MCC: variants seen among roughly 807,000 people sequenced by gnomAD.
MCC encodes MCC regulator of Wnt signaling pathway, also known as colorectal mutant cancer protein.
Under a neutral mutation model 116.2 loss-of-function variants are expected in MCC, and 90 were observed. That is an observed-to-expected ratio of 0.77 (90% confidence interval 0.65 to 0.92). The LOEUF (loss-of-function observed/expected upper bound fraction) is 0.92. Among genes scored for constraint, MCC ranks in the 40% least tolerant of loss-of-function variants. The probability of loss-of-function intolerance (pLI) is 0.00; values close to 1 mark genes in which losing one functional copy is unlikely to be tolerated. For missense variants in MCC, 1,516 were observed against 1,312.2 expected, an observed-to-expected ratio of 1.16 and a Z score of -2.40; for synonymous variants, 578 against 510.5, an observed-to-expected ratio of 1.13 and a Z score of -1.78.
At position 113,395,815 on chromosome 5, in the gene MCC, T is replaced by A. The variant is rs957539893; in HGVS notation, c.171-10603A>T. Among the ~76,000 whole-genome samples the A allele has an allele frequency of 3.9e-5, 6 of 152,096 alleles. No individual in the cohort carries two copies. The East Asian group carries it at 9.7e-4, about 24-fold the overall frequency. ...ATTAATTATGATGCTCAACTCTTCA[T>A]AATTGCCTGGGGTGATTAATTAAAA... is the stretch of plus-strand genomic sequence containing the variant. On this transcript the variant is annotated intron_variant, in intron 1 of 18. Coordinates refer to ENST00000408903, the MANE Select transcript of MCC (RefSeq NM_001085377.2).
chr5:113,207,000 T>A (rs1389754387), intron 3 of MCC, among the ~76,000 whole-genome samples: 5 of 152,302 alleles, frequency 3.3e-5, no homozygotes, highest in Non-Finnish European at 7.4e-5. Context: ...ACTATCTTGG[T>A]CCTCCTTACT....
In MCC at chr5:113,225,003, G is replaced by A. The variant is rs186104701; in HGVS notation, c.628-73581C>T. On this transcript the variant is annotated intron_variant, in intron 3 of 18. Transcript: ENST00000408903. ...CCTGTTCCTAGTTGATCTTATACTCGGTTAAAAATAAAAAGAAGCTGAAGA... is the reference window on the plus strand; with the variant it reads ...CCTGTTCCTAGTTGATCTTATACTCAGTTAAAAATAAAAAGAAGCTGAAGA... Among the ~76,000 whole-genome samples the A allele has an allele frequency of 1.4e-3, 215 of 152,180 alleles. 1 individual carries two copies. Among genetic ancestry groups the A allele is most frequent in the African/African-American group, 4.7e-3 (194 of 41,512 alleles).
chr5:113,230,047 T>C (rs1057009999), intron 3 of MCC, among the ~76,000 whole-genome samples: 1 of 152,230 alleles, frequency 6.6e-6, no homozygotes, highest in Admixed American at 6.5e-5. Flanking sequence ...TGGAAGCAAA[T>C]TGAAATCTTC....
At chr5:113,193,797 C>T (rs932476638) in intron 3 of MCC, among the ~76,000 whole-genome samples, 1 of 152,190 alleles carries the variant, frequency 6.6e-6, no homozygotes, top group African/African-American at 2.4e-5. Context: ...ACACCTAAGT[C>T]TATAGTCCAG....
At chr5:113,163,353 A>G (rs1296032535) in intron 3 of MCC, among the ~76,000 whole-genome samples, 1 of 152,212 alleles carries the variant, frequency 6.6e-6, no homozygotes, top group Non-Finnish European at 1.5e-5. Flanking sequence ...AATAATCCTA[A>G]GTTGTCACCA....
chr5:113,488,351 T>TGCCGCTGCCGCCGCCGCC lies in MCC; in HGVS notation c.63_64insGGCGGCGGCGGCAGCGGC (p.Gly21_Ser22insGlyGlyGlyGlySerGly). ...TCGCTGCTGCTGCTGCTGCTGCCGC[T>TGCCGCTGCCGCCGCCGCC]GCCGCCGCCGCCGCCGCCGCTGCTG... On this transcript the variant is annotated inframe_insertion, in exon 1 of 19. Coordinates refer to ENST00000408903, the MANE Select transcript of MCC (RefSeq NM_001085377.2). The TGCCGCTGCCGCCGCCGCC allele has an allele frequency of 7.0e-7, 1 of 1,426,370 alleles. No homozygotes were observed. The highest frequency in any genetic ancestry group is 9.3e-7 in the Non-Finnish European group (1 of 1,078,450). 88.4% of individuals were successfully genotyped at this position (1,426,370 alleles called of 1,614,324 possible).
At chr5:113,067,771 C>T (rs1480314506) in intron 13 of MCC, among the ~76,000 whole-genome samples, 8 of 152,296 alleles carry the variant, frequency 5.3e-5, no homozygotes, top group African/African-American at 1.7e-4. Flanking sequence ...GAGACAGCTG[C>T]AGAAACGCTG....
At chr5:113,274,406 C>A (rs1765735663) in intron 3 of MCC, among the ~76,000 whole-genome samples, 1 of 152,220 alleles carries the variant, frequency 6.6e-6, no homozygotes, top group African/African-American at 2.4e-5. Context: ...GTTGCCCAGG[C>A]TGGAGTGCAG....
chr5:113,314,692 A>T (rs1353230295), intron 3 of MCC, among the ~76,000 whole-genome samples: 1 of 152,078 alleles, frequency 6.6e-6, no homozygotes, highest in East Asian at 1.9e-4. Context: ...GGTTCAAGCG[A>T]TTCTCCTGCC....
intron 8 of MCC, among the ~76,000 whole-genome samples, chr5:113,087,856 T>G (rs1436387086): frequency 6.6e-6 from 1 of 151,886 alleles, no homozygotes; most frequent in Non-Finnish European, 1.5e-5. Context: ...ATTAAAACTA[T>G]CCATGTTTTA....
intron 3 of MCC, among the ~76,000 whole-genome samples, chr5:113,335,657 C>T (rs1767852243): frequency 6.6e-6 from 1 of 151,576 alleles, no homozygotes; most frequent in Admixed American, 6.6e-5. Flanking sequence ...CCCTCTTTAC[C>T]AGACTCTTAA....
chr5:113,435,650 T>C (rs1286719994), intron 1 of MCC: 1 of 152,546 alleles, frequency 6.6e-6, no homozygotes, highest in African/African-American at 2.4e-5. Flanking sequence ...GTCACGCAGT[T>C]TGAGATGCCT....
intron 1 of MCC, among the ~76,000 whole-genome samples, chr5:113,398,684 G>T (rs1418513892): frequency 2.0e-5 from 3 of 152,224 alleles, no homozygotes; most frequent in African/African-American, 7.2e-5. Flanking sequence ...TACTACATGG[G>T]AGAGGGAGGA....
intron 3 of MCC, among the ~76,000 whole-genome samples, chr5:113,328,926 T>C (rs1298561888): frequency 2.0e-5 from 3 of 152,144 alleles, no homozygotes; most frequent in Non-Finnish European, 2.9e-5. Context: ...GAACAAATGA[T>C]TTCCCAATGA....
chr5:113,482,749 A>G (rs1482812887), intron 1 of MCC, among the ~76,000 whole-genome samples: 2 of 152,094 alleles, frequency 1.3e-5, no homozygotes, highest in African/African-American at 4.8e-5. Context: ...AACTTAAAAA[A>G]TTTGCGGAAG....
At chr5:113,173,020 T>A (rs1761152792) in intron 3 of MCC, among the ~76,000 whole-genome samples, 2 of 152,196 alleles carry the variant, frequency 1.3e-5, no homozygotes, top group African/African-American at 4.8e-5. Context: ...ATAGGATGAT[T>A]TTTTAGAGTT....
intron 3 of MCC, among the ~76,000 whole-genome samples, chr5:113,197,735 A>T (rs1332078603): frequency 6.6e-6 from 1 of 152,224 alleles, no homozygotes; most frequent in Non-Finnish European, 1.5e-5. Context: ...GTGAATTACT[A>T]TCCTCACTTT....
At chr5:113,486,052 T>C (rs927789531) in intron 1 of MCC, among the ~76,000 whole-genome samples, 1 of 152,168 alleles carries the variant, frequency 6.6e-6, no homozygotes, top group Admixed American at 6.5e-5. Context: ...ATTAGCCCCA[T>C]TCCCCAAGTC....
At chr5:113,378,933 A>C (rs1769046193) in intron 2 of MCC, among the ~76,000 whole-genome samples, 1 of 152,246 alleles carries the variant, frequency 6.6e-6, no homozygotes, top group Non-Finnish European at 1.5e-5. Flanking sequence ...CACACTTTTC[A>C]AAATGAAATC....
Sources: gnomAD v4.1 joint callset for allele counts (sites outside exome capture counted in the v4.1 genomes callset) on GRCh38, gnomAD v4.1.1 for gene constraint, MANE v1.5 for transcripts, NCBI Gene and HGNC (gene_info 2026-07-23, HGNC 2026-07-21) for gene names.